Variants in CENPI observed in about 807,000 individuals in gnomAD.
The protein encoded by CENPI is centromere protein I.
CENPI carries 4 observed loss-of-function variants against 60.4 expected under a neutral mutation model. The ratio of observed to expected loss-of-function variants is 0.07; its 90% CI spans 0.03 to 0.15. The LOEUF is 0.15. Among genes scored for constraint, CENPI ranks in the 10% least tolerant of loss-of-function variants. CENPI has a pLI of 1.00. For synonymous variants in CENPI, 157 were observed against 189.4 expected (o/e 0.83, Z 1.40); for missense variants, 444 against 534.5 (o/e 0.83, Z 1.67).
chrX:101,113,563 G>T (rs1401199426), intron 6 of CENPI, among the ~76,000 whole-genome samples: 3 of 103,645 alleles, frequency 2.9e-5, no homozygotes, highest in African/African-American at 9.9e-5. Flanking sequence ...GCCTGCCTCG[G>T]CCTCCCAAAG....
At chrX:101,142,844 C>T (rs1427508540) in intron 16 of CENPI, among the ~76,000 whole-genome samples, 1 of 110,497 alleles carries the variant, frequency 9.1e-6, no homozygotes, top group Non-Finnish European at 1.9e-5. Context: ...AGGCTGAGGC[C>T]AGCGGATCAC....
chrX:101,121,151 C>T (rs1225533406), intron 8 of CENPI, among the ~76,000 whole-genome samples: 1 of 111,387 alleles, frequency 9.0e-6, no homozygotes, highest in East Asian at 2.8e-4. Flanking sequence ...TCTGGGATTA[C>T]AGGCGTAAGC....
At chrX:101,109,820 CG>C (rs768031222) in intron 5 of CENPI, 70 bp from the exon 6 acceptor site, 20 of 742,166 alleles carry the variant, frequency 2.7e-5, no homozygotes, top group Admixed American at 2.0e-4. Flanking sequence ...TGGCGGGGGA[CG>C]GGGGGCGGAA....
At chrX:101,147,693 T>C in intron 18 of CENPI, 70 bp from the exon 19 acceptor site, 1 of 828,194 alleles carries the variant, frequency 1.2e-6, no homozygotes. Flanking sequence ...TTTTTTTAAA[T>C]TTTACCATTT....
chrX:101,144,386 AT>A (rs780043847), intron 16 of CENPI, among the ~76,000 whole-genome samples: 20,247 of 89,629 alleles, frequency 0.23, 2,024 homozygotes, highest in South Asian at 0.27. Context: ...CCTCGCCTGA[AT>A]TTTTTTTTTT....
chrX:101,130,636 A>C, intron 13 of CENPI, among the ~76,000 whole-genome samples: 1 of 112,677 alleles, frequency 8.9e-6, no homozygotes, highest in Non-Finnish European at 1.9e-5. Context: ...AATTAAATGT[A>C]TTCAGTTAAC....
At chrX:101,149,099 G>A (rs1001367341) in intron 20 of CENPI, among the ~76,000 whole-genome samples, 1 of 111,834 alleles carries the variant, frequency 8.9e-6, no homozygotes, top group Admixed American at 9.6e-5. Context: ...GATGCTGATT[G>A]GAATTTTGAA....
intron 6 of CENPI, among the ~76,000 whole-genome samples, chrX:101,112,828 AT>A (rs113840710): frequency 0.29 from 28,887 of 101,121 alleles, 3,248 homozygotes; most frequent in African/African-American, 0.36. Context: ...GGGTCCTCTA[AT>A]TTTTTTTTTT....
the CENPI span, among the ~76,000 whole-genome samples, chrX:101,173,255 C>A: frequency 9.4e-6 from 1 of 106,053 alleles, no homozygotes; most frequent in Non-Finnish European, 1.9e-5. Context: ...ACCTTGTGAT[C>A]TGCCCTCCTC....
At chrX:101,115,369 C>T (rs994037164) in intron 6 of CENPI, among the ~76,000 whole-genome samples, 7 of 108,968 alleles carry the variant, frequency 6.4e-5, no homozygotes, top group African/African-American at 2.3e-4. Flanking sequence ...ACTGCAGCCT[C>T]GATTGATCAG....
intron 15 of CENPI, among the ~76,000 whole-genome samples, chrX:101,135,840 C>T (rs184418309): frequency 1.8e-5 from 2 of 111,525 alleles, no homozygotes; most frequent in African/African-American, 6.5e-5. Flanking sequence ...CTTGACTCAG[C>T]CTCCCCAGTA....
chrX:101,164,504 G>A lies in CENPI; in HGVS notation c.*1537G>A, dbSNP rs111435567. 0.036 allele frequency among the ~76,000 whole-genome samples: 3,995 copies of A among 110,712 alleles called. 223 individuals are homozygous for A. The highest frequency in any genetic ancestry group is 0.13 in the African/African-American group (3,844 of 30,356). Reference sequence around the variant, plus strand: ...CTACCACCACGCCCAGCCAATTTTTGTATTTTTAGTAGAGACAGGGTTCCG... The same window carrying A: ...CTACCACCACGCCCAGCCAATTTTTATATTTTTAGTAGAGACAGGGTTCCG... On this transcript the variant is annotated 3_prime_UTR_variant, in exon 22 of 22. Coordinates refer to ENST00000682095, the MANE Select transcript of CENPI (RefSeq NM_001386188.2).
chrX:101,155,898 T>C (rs2090047733), intron 20 of CENPI, among the ~76,000 whole-genome samples: 1 of 112,661 alleles, frequency 8.9e-6, no homozygotes, highest in South Asian at 3.6e-4. Context: ...TGATGTAATG[T>C]TGAACTTCAT....
In CENPI at chrX:101,102,532, T is replaced by G. The variant is rs1280991047; in HGVS notation, c.364+121T>G. Reference sequence around the variant, plus strand: ...ACACACACACATATATATATATACTTTTTTTTATAATAGAGACAGCATCTC... The same window carrying G: ...ACACACACACATATATATATATACTGTTTTTTATAATAGAGACAGCATCTC... On this transcript the variant is annotated intron_variant, in intron 4 of 21. Transcript: ENST00000682095. The G allele has an allele frequency of 7.8e-5, 19 of 244,175 alleles. No individual in the cohort carries two copies. The East Asian group carries it at 1.1e-3, about 15-fold the overall frequency. 20.1% of individuals were successfully genotyped at this position (244,175 alleles called of 1,213,427 possible). A position where few individuals can be genotyped will look rare whatever the true frequency, so the allele number is the denominator to read the frequency against.
chrX:101,139,873 C>G (rs1262864572), intron 15 of CENPI, among the ~76,000 whole-genome samples: 2 of 100,150 alleles, frequency 2.0e-5, no homozygotes, highest in Non-Finnish European at 4.0e-5. Context: ...CTCACTCTGT[C>G]ACCCAGGCTG....
chrX:101,139,207 C>T (rs1439218177), intron 15 of CENPI, among the ~76,000 whole-genome samples: 1 of 102,660 alleles, frequency 9.7e-6, no homozygotes, highest in Admixed American at 1.1e-4. Context: ...ATTCTCCTGC[C>T]TCTCAGCCTC....
chrX:101,110,011 T>A lies in CENPI; in HGVS notation c.591+13T>A, dbSNP rs764775705. On this transcript the variant is annotated intron_variant, in intron 6 of 21. Coordinates refer to ENST00000682095, the MANE Select transcript of CENPI (RefSeq NM_001386188.2). ...AGATGATGCACTGGTAAGTAAAAAT[T>A]GGACAGCATTAGGCATCAATCAAAT... 5.7e-6 allele frequency: 6 copies of A among 1,047,306 alleles called. No individual in the cohort carries two copies. Among genetic ancestry groups the A allele is most frequent in the South Asian group, 5.7e-5 (3 of 52,796 alleles). The allele number at this position is 1,047,306 out of a possible 1,213,427, so 86.3% of individuals were successfully genotyped here.
At chrX:101,125,073 G>A in intron 8 of CENPI, among the ~76,000 whole-genome samples, 1 of 111,331 alleles carries the variant, frequency 9.0e-6, no homozygotes, top group Non-Finnish European at 1.9e-5. Context: ...TGCCAGTATA[G>A]TGAAGGAATT....
chrX:101,139,975 C>T (rs1259771502), intron 15 of CENPI, among the ~76,000 whole-genome samples: 2 of 110,316 alleles, frequency 1.8e-5, no homozygotes, highest in Admixed American at 9.7e-5. Flanking sequence ...GTTGGGACTA[C>T]AGGCGCCCGC....
Sources: gnomAD v4.1 joint callset for allele counts (sites outside exome capture counted in the v4.1 genomes callset) on GRCh38, gnomAD v4.1.1 for gene constraint, MANE v1.5 for transcripts, NCBI Gene and HGNC (gene_info 2026-07-23, HGNC 2026-07-21) for gene names.